Variants in DELE1 observed in about 807,000 individuals in gnomAD.
The protein encoded by DELE1 is DAP3 binding cell death enhancer 1.
In DELE1, 54 loss-of-function variants were observed where a neutral mutation model predicts 59.3. That is an observed-to-expected ratio of 0.91 (90% confidence interval 0.73 to 1.14). DELE1 has a LOEUF of 1.14. DELE1 is among the 50% of genes most tolerant of loss of function. The probability of loss-of-function intolerance (pLI) is 0.00; values close to 1 mark genes in which losing one functional copy is unlikely to be tolerated. For missense variants in DELE1, 636 were observed against 643.9 expected, an observed-to-expected ratio of 0.99 and a Z score of 0.13; for synonymous variants, 264 against 259.1, an observed-to-expected ratio of 1.02 and a Z score of -0.18.
Position 141,938,747 on chromosome 5 carries a change from A to G in DELE1, c.1536A>G (p.Leu512=). ...PYPLERSVVR[L]GFG ...CACTGGAAAGGAGTGTTGTAAGACT[A>G]GGTTTTGGCTAAGGTGAGATAAAAC... Residue 512 remains leucine, a synonymous_variant, in exon 12 of 12, where the codon CTA becomes CTG. Transcript: ENST00000432126. 1 of 1,612,366 alleles carries G rather than the reference A, an allele frequency of 6.2e-7. No individual in the cohort carries two copies. The highest frequency in any genetic ancestry group is 8.5e-7 in the Non-Finnish European group (1 of 1,179,038).
At chr5:141,925,356 C>T (rs1488515949) in intron 2 of DELE1, 54 bp from the exon 3 acceptor site, 1 of 1,250,040 alleles carries the variant, frequency 8.0e-7, no homozygotes, top group East Asian at 2.7e-5. Flanking sequence ...CCACCGCACC[C>T]AGTCCCTGGT....
At chr5:141,924,782 G>A (rs1385530352) in intron 2 of DELE1, 87 bp downstream of exon 2, 23 of 815,348 alleles carry the variant, frequency 2.8e-5, no homozygotes, top group Middle Eastern at 4.7e-4. Flanking sequence ...TTGAGATGGA[G>A]TCTCATTCTG....
rs140697758 is a variant in DELE1 at position 141,934,355 on chromosome 5, C to T, written c.1013C>T (p.Ala338Val). ...ASSWNPERQR[A>V]VSLLKQAADS... is the part of the protein sequence containing the mutation. The stretch of plus-strand genomic sequence containing the variant: ...TCGTGGAACCCTGAGCGGCAGAGGG[C>T]AGTGTCCTTGCTGAAGCAGGCTGCA... Residue 338 changes from alanine (A) to valine (V), a missense_variant, in exon 9 of 12, where the codon GCA becomes GTA. Transcript: ENST00000432126. The T allele has an allele frequency of 8.3e-5, 134 of 1,614,120 alleles. No homozygotes were observed. In the African/African-American group the frequency reaches 1.8e-3, roughly 21 times the overall value.
chr5:141,934,021 T>C, intron 8 of DELE1: 2 of 411,546 alleles, frequency 4.9e-6, no homozygotes, highest in East Asian at 8.3e-5. Context: ...GGCTGTACGC[T>C]AAAATTTTAA....
At chr5:141,931,190 C>G (rs1317876960) in intron 7 of DELE1, 2 of 152,174 alleles carry the variant, frequency 1.3e-5, no homozygotes, top group African/African-American at 2.4e-5. Context: ...TTGTTTCAAT[C>G]TGGAGAAAGA....
In DELE1 at chr5:141,923,954, C is replaced by G. The variant is rs1019238826; in HGVS notation, c.13C>G (p.Pro5Ala). MWRL[P>A]GLLGRALPRT... Reference sequence around the variant, plus strand: ...TGCTGGCAGCGACATGTGGCGCCTCCCGGGACTCCTGGGCCGAGGTAAGGG... The same window carrying G: ...TGCTGGCAGCGACATGTGGCGCCTCGCGGGACTCCTGGGCCGAGGTAAGGG... Residue 5 changes from proline to alanine, a missense_variant, in exon 1 of 12, where the codon CCG becomes GCG. By Grantham distance (27) the Pro-to-Ala change is conservative (BLOSUM62 -1). Transcript: ENST00000432126. The G allele has an allele frequency of 6.2e-7, 1 of 1,609,352 alleles. No individual in the cohort carries two copies. The highest frequency in any genetic ancestry group is 1.1e-5 in the South Asian group (1 of 90,062).
chr5:141,937,506 C>CA, intron 11 of DELE1, 149 bp downstream of exon 11: 1 of 886,806 alleles, frequency 1.1e-6, no homozygotes, highest in African/African-American at 1.7e-5. Flanking sequence ...CACGGTGGCT[C>CA]ACGCCTGTAA....
At chr5:141,931,681 C>T (rs895919379) in intron 7 of DELE1, among the ~76,000 whole-genome samples, 9 of 152,100 alleles carry the variant, frequency 5.9e-5, no homozygotes, top group African/African-American at 2.2e-4. Flanking sequence ...TGGTGGGATC[C>T]TTTGCACTCT....
At chr5:141,935,037 A>G (rs1316486626) in intron 10 of DELE1, 4 of 165,988 alleles carry the variant, frequency 2.4e-5, no homozygotes, top group Non-Finnish European at 3.9e-5. Flanking sequence ...TAACTGAGAT[A>G]ACTAACAGGT....
rs1452240058 is a variant in DELE1 at position 141,930,178 on chromosome 5, G to T, written c.658G>T (p.Glu220Ter). The T allele has an allele frequency of 1.9e-6, 3 of 1,612,852 alleles. No homozygotes were observed. Among genetic ancestry groups the T allele is most frequent in the Non-Finnish European group, 2.5e-6 (3 of 1,179,066 alleles). ...TGAGTCTTTTATATTTCTTTCCCAG[G>T]AACAAGATAAATCAAAAACTCTTTC... Reference protein sequence around the residue: ...PAQPQPTGEKEQDKSKTLSLE... With the variant: ...PAQPQPTGEK Residue 220 changes from glutamate to a stop codon, truncating the protein, a stop_gained and splice_region_variant, in exon 7 of 12, where the codon GAA (glutamate) becomes TAA (stop). Coordinates refer to ENST00000432126, the MANE Select transcript of DELE1 (RefSeq NM_014773.5). LOFTEE classifies it high-confidence loss of function.
chr5:141,941,685 A>G lies in DELE1; in HGVS notation c.*2926A>G. On this transcript the variant is annotated 3_prime_UTR_variant, in exon 12 of 12. Coordinates refer to ENST00000432126, the MANE Select transcript of DELE1 (RefSeq NM_014773.5). ...GAAGCTCTACTGCCTCAGTTTCCCT[A>G]TCCGGAGATGCTGTTTTCAGGGAGT... 2 of 985,338 alleles carry G rather than the reference A, an allele frequency of 2.0e-6. No individual in the cohort carries two copies. Among genetic ancestry groups the G allele is most frequent in the Non-Finnish European group, 2.4e-6 (2 of 829,916 alleles). 61.0% of individuals were successfully genotyped at this position (985,338 alleles called of 1,614,324 possible). A position where few individuals can be genotyped will look rare whatever the true frequency, so the allele number is the denominator to read the frequency against.
At chr5:141,925,272 A>T in intron 2 of DELE1, 138 bp from the exon 3 acceptor site, 1 of 483,516 alleles carries the variant, frequency 2.1e-6, no homozygotes, top group Non-Finnish European at 3.8e-6. Flanking sequence ...CATCTTGACC[A>T]GGCTGGTCTT....
chr5:141,941,860 C>G lies in DELE1; in HGVS notation c.*3101C>G. The G allele has an allele frequency of 1.0e-6, 1 of 985,300 alleles. No homozygotes were observed. Among genetic ancestry groups the G allele is most frequent in the Non-Finnish European group, 1.2e-6 (1 of 829,882 alleles). The allele number at this position is 985,300 out of a possible 1,614,324, so 61.0% of individuals were successfully genotyped here. A position where few individuals can be genotyped will look rare whatever the true frequency, so the allele number is the denominator to read the frequency against. On this transcript the variant is annotated 3_prime_UTR_variant, in exon 12 of 12. Transcript: ENST00000432126. ...CCCCCACCCAATGCCCAGCACCAAG[C>G]CTACCCAGCACATAGTAGGTACTTT...
In DELE1 at chr5:141,940,010, G is replaced by A. The variant is rs2126905877; in HGVS notation, c.*1251G>A. The A allele has an allele frequency of 1.0e-6, 1 of 985,360 alleles. No homozygotes were observed. The highest frequency in any genetic ancestry group is 1.2e-6 in the Non-Finnish European group (1 of 829,858). 61.0% of individuals were successfully genotyped at this position (985,360 alleles called of 1,614,324 possible). A position where few individuals can be genotyped will look rare whatever the true frequency, so the allele number is the denominator to read the frequency against. ...CTGCAATTTTATGTGAAAGCATTAT[G>A]ACTGTCCTACCCATGGGAGAGTAAA... is the stretch of plus-strand genomic sequence containing the variant. On this transcript the variant is annotated 3_prime_UTR_variant, in exon 12 of 12. Coordinates refer to ENST00000432126, the MANE Select transcript of DELE1 (RefSeq NM_014773.5).
At chr5:141,935,383 G>T (rs989105846) in intron 10 of DELE1, among the ~76,000 whole-genome samples, 2 of 152,196 alleles carry the variant, frequency 1.3e-5, no homozygotes, top group African/African-American at 4.8e-5. Flanking sequence ...TCTGTAATTT[G>T]CTGTATTCCT....
Position 141,938,959 on chromosome 5 carries a change from C to A in DELE1, c.*200C>A. The A allele has an allele frequency of 7.1e-7, 1 of 1,406,222 alleles. No homozygotes were observed. The highest frequency in any genetic ancestry group is 9.2e-7 in the Non-Finnish European group (1 of 1,082,912). 87.1% of individuals were successfully genotyped at this position (1,406,222 alleles called of 1,614,324 possible). A position where few individuals can be genotyped will look rare whatever the true frequency, so the allele number is the denominator to read the frequency against. On this transcript the variant is annotated 3_prime_UTR_variant, in exon 12 of 12. Coordinates refer to ENST00000432126, the MANE Select transcript of DELE1 (RefSeq NM_014773.5). ...TAGCCTCACAGATGAGTCTTGGATGCATTCACAGTCATTTCTGGTCTGTGC... is the reference window on the plus strand; with the variant it reads ...TAGCCTCACAGATGAGTCTTGGATGAATTCACAGTCATTTCTGGTCTGTGC...
rs1752730015 is a variant in DELE1, at chr5:141,941,413, C to T, written c.*2654C>T. ...GGCAGAGTCGTGAGAAAGGTGTTGT[C>T]AAGGGACCAAAAATCCTTGGCTGTT... On this transcript the variant is annotated 3_prime_UTR_variant, in exon 12 of 12. Coordinates refer to ENST00000432126, the MANE Select transcript of DELE1 (RefSeq NM_014773.5). The T allele has an allele frequency of 7.1e-6, 7 of 985,390 alleles. No individual in the cohort carries two copies. Among genetic ancestry groups the T allele is most frequent in the African/African-American group, 1.7e-5 (1 of 57,242 alleles). The allele number at this position is 985,390 out of a possible 1,614,324, so 61.0% of individuals were successfully genotyped here. A position where few individuals can be genotyped will look rare whatever the true frequency, so the allele number is the denominator to read the frequency against.
Position 141,939,666 on chromosome 5 carries a change from A to T in DELE1, c.*907A>T. 1 of 985,840 alleles carries T rather than the reference A, an allele frequency of 1.0e-6. No individual in the cohort carries two copies. The highest frequency in any genetic ancestry group is 1.2e-6 in the Non-Finnish European group (1 of 829,972). The allele number at this position is 985,840 out of a possible 1,614,324, so 61.1% of individuals were successfully genotyped here. A position where few individuals can be genotyped will look rare whatever the true frequency, so the allele number is the denominator to read the frequency against. On this transcript the variant is annotated 3_prime_UTR_variant, in exon 12 of 12. Coordinates refer to ENST00000432126, the MANE Select transcript of DELE1 (RefSeq NM_014773.5). ...ACCCACCTTCCCCCAAATCTTAAGC[A>T]CCTGCGCCAGTACAGTCAAGAAGAG...
At position 141,933,298 on chromosome 5, in the gene DELE1, T is replaced by C; in HGVS notation, c.794T>C (p.Phe265Ser). The stretch of plus-strand genomic sequence containing the variant: ...AAGAGTGGCGACCACACGGCAGCCT[T>C]TTCTTACTTCCAGAAAGCTGCAGCC... Reference protein sequence around the residue: ...NMKSGDHTAAFSYFQKAAARG... With the variant: ...NMKSGDHTAASSYFQKAAARG... The change falls in exon 8 of 12, where the codon TTT becomes TCT. Residue 265 changes from phenylalanine (F) to serine (S), a missense_variant. Coordinates refer to ENST00000432126, the MANE Select transcript of DELE1 (RefSeq NM_014773.5). 1 of 1,569,796 alleles carries C rather than the reference T, an allele frequency of 6.4e-7. No individual in the cohort carries two copies. Among genetic ancestry groups the C allele is most frequent in the Non-Finnish European group, 8.7e-7 (1 of 1,148,188 alleles).
Sources: gnomAD v4.1 joint callset for allele counts (sites outside exome capture counted in the v4.1 genomes callset) on GRCh38, gnomAD v4.1.1 for gene constraint, MANE v1.5 for transcripts, NCBI Gene and HGNC (gene_info 2026-07-23, HGNC 2026-07-21) for gene names.